GSAP: variants seen among roughly 807,000 people sequenced by gnomAD.
GSAP encodes gamma-secretase activating protein, also known as gamma-secretase-activating protein.
GSAP carries 118 observed loss-of-function variants against 131.7 expected under a neutral mutation model. The ratio of observed to expected loss-of-function variants is 0.90; its 90% confidence interval spans 0.77 to 1.04. The LOEUF (loss-of-function observed/expected upper bound fraction) is 1.04. GSAP is among the 50% of genes least tolerant of loss of function. The probability of loss-of-function intolerance (pLI) is 0.00; values close to 1 mark genes in which losing one functional copy is unlikely to be tolerated. For synonymous variants in GSAP, 381 were observed against 363.4 expected, an observed-to-expected ratio of 1.05 and a Z score of -0.55; for missense variants, 1,019 against 1,013.2, an observed-to-expected ratio of 1.01 and a Z score of -0.08.
At position 77,397,362 on chromosome 7, in the gene GSAP, A is replaced by G; in HGVS notation, c.297T>C (p.Ser99=). ...DLQVFSCSVN[S]ERTLLAASLV... is the part of the protein sequence containing the mutation. ...TCAACTTACCAAGCAAAGTCCTTTCACTGTTGACAGAGCAACTGAAAACTT... is the reference window on the plus strand; with the variant it reads ...TCAACTTACCAAGCAAAGTCCTTTCGCTGTTGACAGAGCAACTGAAAACTT... Residue 99 remains serine, a synonymous_variant, in exon 4 of 31, where the codon AGT becomes AGC. Coordinates refer to ENST00000257626, the MANE Select transcript of GSAP (RefSeq NM_017439.4). 7 of 1,603,768 alleles carry G rather than the reference A, an allele frequency of 4.4e-6. No individual in the cohort carries two copies. Among genetic ancestry groups the G allele is most frequent in the East Asian group, 2.2e-5 (1 of 44,744 alleles).
At position 77,375,250 on chromosome 7, in the gene GSAP, C is replaced by A. The variant is rs538372778; in HGVS notation, c.742-149G>T. ...CATTGTCTTCAGAGGTTATTATACT[C>A]CAAATCCATTGCATAGAAAGTCCAT... On this transcript the variant is annotated intron_variant, in intron 10 of 30. Coordinates refer to ENST00000257626, the MANE Select transcript of GSAP (RefSeq NM_017439.4). 1.2e-4 allele frequency: 58 copies of A among 504,258 alleles called. No homozygotes were observed. In the South Asian group the frequency reaches 1.8e-3, roughly 15 times the overall value. The allele number at this position is 504,258 out of a possible 1,614,324, so 31.2% of individuals were successfully genotyped here.
chr7:77,399,868 T>C lies in GSAP; in HGVS notation c.244-2453A>G, dbSNP rs540828774. Among the ~76,000 whole-genome samples, 6 of 152,248 alleles carry C rather than the reference T, an allele frequency of 3.9e-5. No homozygotes were observed. In the South Asian group the frequency reaches 1.0e-3, roughly 26 times the overall value. The stretch of plus-strand genomic sequence containing the variant: ...GGACCTCAGATCCTGATGAATGACA[T>C]ACTGGTGAGTTCCCTGGGTTTTCCT... On this transcript the variant is annotated intron_variant, in intron 3 of 30. Transcript: ENST00000257626.
At chr7:77,355,072 A>C (rs1389980831) in intron 16 of GSAP, 141 bp downstream of exon 16, 8 of 617,280 alleles carry the variant, frequency 1.3e-5, no homozygotes, top group Non-Finnish European at 2.0e-5. Context: ...GCAGCGCAAA[A>C]GATGACGATG....
chr7:77,393,669 A>G (rs922680178), intron 5 of GSAP, among the ~76,000 whole-genome samples: 2 of 144,572 alleles, frequency 1.4e-5, no homozygotes, highest in African/African-American at 5.3e-5. Flanking sequence ...ATACATATAT[A>G]CTTTCTTTTT....
chr7:77,313,508 T>TACAGAGAAAAATGAAAA lies in GSAP; in HGVS notation c.2250_2251insTTTTCATTTTTCTCTGT (p.Ile751PhefsTer27). ...ATTACCGGAGGAAGCCGCACAATGA[T>TACAGAGAAAAATGAAAA]ACTGAATTTCAGTTTTTCATTTTTC... On this transcript the variant is annotated frameshift_variant, in exon 28 of 31. Coordinates refer to ENST00000257626, the MANE Select transcript of GSAP (RefSeq NM_017439.4). LOFTEE classifies it high-confidence loss of function. 1 of 1,570,658 alleles carries TACAGAGAAAAATGAAAA rather than the reference T, an allele frequency of 6.4e-7. No homozygotes were observed. The highest frequency in any genetic ancestry group is 8.8e-7 in the Non-Finnish European group (1 of 1,141,530).
Position 77,377,273 on chromosome 7 carries a change from C to G in GSAP, c.681+13G>C. ...AAAAAAAAAAAGGAGTGCCCGTGAA[C>G]TAGTTTTTTTACCTTCAGGTCAATG... On this transcript the variant is annotated intron_variant, in intron 9 of 30. Transcript: ENST00000257626. 1 of 1,090,244 alleles carries G rather than the reference C, an allele frequency of 9.2e-7. No individual in the cohort carries two copies. Among genetic ancestry groups the G allele is most frequent in the Admixed American group, 3.2e-5 (1 of 31,618 alleles). The allele number at this position is 1,090,244 out of a possible 1,614,324, so 67.5% of individuals were successfully genotyped here.
rs1346060217 is a variant in GSAP at position 77,360,909 on chromosome 7, G to C, written c.950-8C>G. On this transcript the variant is annotated splice_region_variant and splice_polypyrimidine_tract_variant and intron_variant, in intron 13 of 30. Coordinates refer to ENST00000257626, the MANE Select transcript of GSAP (RefSeq NM_017439.4). Reference sequence around the variant, plus strand: ...TGAAGGTCTTGCTGTGTCCTGCAAAGAGAGAATATGAAGCCAGAGAATGTT... The same window carrying C: ...TGAAGGTCTTGCTGTGTCCTGCAAACAGAGAATATGAAGCCAGAGAATGTT... 1 of 1,530,642 alleles carries C rather than the reference G, an allele frequency of 6.5e-7. No individual in the cohort carries two copies. The highest frequency in any genetic ancestry group is 9.1e-7 in the Non-Finnish European group (1 of 1,104,692). The allele number at this position is 1,530,642 out of a possible 1,614,324, so 94.8% of individuals were successfully genotyped here. A position where few individuals can be genotyped will look rare whatever the true frequency, so the allele number is the denominator to read the frequency against.
At chr7:77,360,937 A>G (rs745324180) in intron 13 of GSAP, 36 bp from the exon 14 acceptor site, 2 of 1,242,764 alleles carry the variant, frequency 1.6e-6, no homozygotes, top group Non-Finnish European at 2.4e-6. Flanking sequence ...AGAATGTTAA[A>G]CAAAGAACTG....
At chr7:77,397,970 T>C (rs1175969354) in intron 3 of GSAP, among the ~76,000 whole-genome samples, 2 of 152,156 alleles carry the variant, frequency 1.3e-5, no homozygotes, top group Non-Finnish European at 2.9e-5. Context: ...ACTGGGAAGG[T>C]AGACTTCTTT....
At chr7:77,328,672 C>G (rs775357955) in intron 21 of GSAP, 35 bp from the exon 22 acceptor site, 1 of 1,323,756 alleles carries the variant, frequency 7.6e-7, no homozygotes, top group African/African-American at 1.5e-5. Flanking sequence ...TCACAGACAG[C>G]ATTGCTTTTA....
chr7:77,337,301 T>TGGGGGGGGG (rs34134192), intron 19 of GSAP, among the ~76,000 whole-genome samples: 1 of 65,676 alleles, frequency 1.5e-5, no homozygotes, highest in Non-Finnish European at 3.3e-5. Flanking sequence ...GGGGGTGGGG[T>TGGGGGGGGG]GGGGGGGGGG....
Position 77,348,936 on chromosome 7 carries a change from C to CTGTGTG in GSAP, c.1545+409_1545+414dup, listed in dbSNP as rs143107394. 4.4e-3 allele frequency among the ~76,000 whole-genome samples: 666 copies of CTGTGTG among 151,080 alleles called. 4 individuals carry two copies. Among genetic ancestry groups the CTGTGTG allele is most frequent in the African/African-American group, 0.015 (621 of 41,294 alleles). On this transcript the variant is annotated intron_variant, in intron 19 of 30. Coordinates refer to ENST00000257626, the MANE Select transcript of GSAP (RefSeq NM_017439.4). ...CTTAATGGTTTTAAGACTGGAAATT[C>CTGTGTG]TGTGTGTGTGTGTGTGTGCACGTGC...
rs770622702 is a variant in GSAP at position 77,312,217 on chromosome 7, GA to G, written c.2272-16del. ...TGCCCAATAAGCTATTATGCAAATT[GA>G]AAAAAATGTAGCGAATACCACACAC... is the stretch of plus-strand genomic sequence containing the variant. On this transcript the variant is annotated splice_polypyrimidine_tract_variant and intron_variant, in intron 28 of 30. Coordinates refer to ENST00000257626, the MANE Select transcript of GSAP (RefSeq NM_017439.4). 17 of 1,357,522 alleles carry G rather than the reference GA, an allele frequency of 1.3e-5. No homozygotes were observed. The highest frequency in any genetic ancestry group is 1.3e-5 in the Non-Finnish European group (13 of 987,196). The allele number at this position is 1,357,522 out of a possible 1,614,324, so 84.1% of individuals were successfully genotyped here.
At chr7:77,416,189 CTCT>C in intron 1 of GSAP, 21 bp downstream of exon 1, 4 of 1,236,252 alleles carry the variant, frequency 3.2e-6, no homozygotes, top group Non-Finnish European at 4.3e-6. Flanking sequence ...GCCCCCACCC[CTCT>C]CCGCAGCGCG....
chr7:77,375,014 C>A, intron 11 of GSAP, 44 bp downstream of exon 11: 1 of 909,022 alleles, frequency 1.1e-6, no homozygotes, highest in Non-Finnish European at 1.8e-6. Flanking sequence ...TCATTTTGCC[C>A]ACAAGTATCT....
chr7:77,319,129 CAA>C (rs937062433), intron 26 of GSAP, among the ~76,000 whole-genome samples: 1 of 151,946 alleles, frequency 6.6e-6, no homozygotes, highest in African/African-American at 2.4e-5. Context: ...TACAGGATGA[CAA>C]AAAGTGTTTG....
intron 8 of GSAP, among the ~76,000 whole-genome samples, chr7:77,380,501 T>C (rs1378730530): frequency 4.6e-5 from 7 of 152,170 alleles, no homozygotes; most frequent in Admixed American, 4.6e-4. Flanking sequence ...ACTGGCAATT[T>C]AGTGAATGTC....
chr7:77,319,687 A>G (rs1411016826), intron 26 of GSAP, among the ~76,000 whole-genome samples: 2 of 152,204 alleles, frequency 1.3e-5, no homozygotes, highest in Non-Finnish European at 2.9e-5. Context: ...AGAATTTACA[A>G]TGGAGTATTA....
intron 6 of GSAP, among the ~76,000 whole-genome samples, chr7:77,383,274 C>A (rs917283373): frequency 1.3e-5 from 2 of 151,726 alleles, no homozygotes; most frequent in Non-Finnish European, 2.9e-5. Context: ...ATTCTGAAAC[C>A]AATCAGAAAC....
Sources: gnomAD v4.1 joint callset for allele counts (sites outside exome capture counted in the v4.1 genomes callset) on GRCh38, gnomAD v4.1.1 for gene constraint, MANE v1.5 for transcripts, NCBI Gene and HGNC (gene_info 2026-07-23, HGNC 2026-07-21) for gene names.